ZFAT: variants seen among roughly 807,000 people sequenced by gnomAD.
ZFAT encodes zinc finger protein ZFAT.
In ZFAT, 64 loss-of-function variants were observed where a neutral mutation model predicts 117.7. That is an observed-to-expected ratio of 0.54 (90% CI 0.44 to 0.67). The LOEUF is 0.67. Among genes scored for constraint, ZFAT ranks in the 30% least tolerant of loss-of-function variants. The pLI is 0.00. For synonymous variants in ZFAT, 679 were observed against 615.0 expected, an observed-to-expected ratio of 1.10 and a Z score of -1.54; for missense variants, 1,433 against 1,584.5, an observed-to-expected ratio of 0.90 and a Z score of 1.62.
chr8:134,614,076 T>C (rs145847897), intron 3 of ZFAT, among the ~76,000 whole-genome samples: 1 of 152,192 alleles, frequency 6.6e-6, no homozygotes, highest in Non-Finnish European at 1.5e-5. Context: ...ACCTAGACCC[T>C]AGAGGAACTG....
chr8:134,568,443 AGCCTG>A (rs1232904150), intron 10 of ZFAT, among the ~76,000 whole-genome samples: 1 of 152,258 alleles, frequency 6.6e-6, no homozygotes, highest in African/African-American at 2.4e-5. Flanking sequence ...TATTCTGGGC[AGCCTG>A]GGCAAAACTG....
chr8:134,696,814 C>T (rs1000752392), intron 1 of ZFAT, among the ~76,000 whole-genome samples: 4 of 152,264 alleles, frequency 2.6e-5, no homozygotes, highest in African/African-American at 9.6e-5. Context: ...TCCCAGGAGG[C>T]TGCAGGCGAG....
chr8:134,638,560 C>CAAAAAAAAAAAAAA (rs1563711719), intron 2 of ZFAT, among the ~76,000 whole-genome samples: 6 of 63,034 alleles, frequency 9.5e-5, no homozygotes, highest in African/African-American at 3.8e-4. Flanking sequence ...AAAAAAAAAA[C>CAAAAAAAAAAAAAA]AAAACAAAAA....
chr8:134,515,391 T>C (rs1820181855), intron 13 of ZFAT, among the ~76,000 whole-genome samples: 1 of 152,208 alleles, frequency 6.6e-6, no homozygotes, highest in Non-Finnish European at 1.5e-5. Flanking sequence ...CCACACCGTC[T>C]TCCACGACGG....
the ZFAT span, among the ~76,000 whole-genome samples, chr8:134,768,416 C>T: frequency 2.6e-5 from 4 of 152,196 alleles, no homozygotes; most frequent in South Asian, 2.1e-4. Flanking sequence ...TCTCAGGCCT[C>T]TCTGTATTAG....
chr8:134,577,037 T>C (rs941786436), intron 10 of ZFAT, among the ~76,000 whole-genome samples: 2 of 152,164 alleles, frequency 1.3e-5, no homozygotes. Flanking sequence ...CCCCATCTGC[T>C]ATGGGTGGGC....
chr8:134,788,916 T>C, the ZFAT span, among the ~76,000 whole-genome samples: 4 of 152,076 alleles, frequency 2.6e-5, no homozygotes, highest in African/African-American at 4.8e-5. Context: ...TGTTTTTTTT[T>C]CCCTATGCCA....
the ZFAT span, chr8:134,796,946 C>T: frequency 6.6e-6 from 1 of 152,132 alleles, no homozygotes; most frequent in Non-Finnish European, 1.5e-5. Context: ...GTGACATAGT[C>T]TGGTCACTGC....
chr8:134,545,655 C>A (rs759920241), intron 11 of ZFAT, among the ~76,000 whole-genome samples: 50 of 152,160 alleles, frequency 3.3e-4, no homozygotes, highest in Non-Finnish European at 6.9e-4. Flanking sequence ...GGTGCTTTAG[C>A]GTGTGTTTTA....
intron 10 of ZFAT, among the ~76,000 whole-genome samples, chr8:134,568,346 G>A (rs1374364498): frequency 6.6e-6 from 1 of 152,066 alleles, no homozygotes; most frequent in African/African-American, 2.4e-5. Context: ...TTCAAACACA[G>A]GGCCACACAT....
chr8:134,781,439 C>T, the ZFAT span, among the ~76,000 whole-genome samples: 1 of 152,158 alleles, frequency 6.6e-6, no homozygotes, highest in Non-Finnish European at 1.5e-5. Flanking sequence ...TACCCATTTT[C>T]TTATTTGATG....
chr8:134,568,043 G>A (rs1824601657), intron 10 of ZFAT, among the ~76,000 whole-genome samples: 1 of 152,076 alleles, frequency 6.6e-6, no homozygotes, highest in Non-Finnish European at 1.5e-5. Context: ...ACTCATCTTG[G>A]TACCCCAGCA....
chr8:134,478,188 G>A lies in ZFAT; in HGVS notation c.*294C>T, dbSNP rs1395738404. 2.4e-6 allele frequency: 1 copy of A among 412,110 alleles called. No individual in the cohort carries two copies. The highest frequency in any genetic ancestry group is 2.0e-5 in the African/African-American group (1 of 50,866). The allele number at this position is 412,110 out of a possible 1,614,324, so 25.5% of individuals were successfully genotyped here. A position where few individuals can be genotyped will look rare whatever the true frequency, so the allele number is the denominator to read the frequency against. On this transcript the variant is annotated 3_prime_UTR_variant, in exon 16 of 16. Transcript: ENST00000377838. The surrounding 1 kb of genome is among the most constrained non-coding windows in gnomAD (Gnocchi z 5.2). ...GTCTCTGTTTGAATCTTGAAGCAAG[G>A]GGTGAAGGTGTGGGGTGTGTGTAGG... is the stretch of plus-strand genomic sequence containing the variant.
chr8:134,592,361 C>T (rs1826572610), intron 7 of ZFAT, among the ~76,000 whole-genome samples: 1 of 152,190 alleles, frequency 6.6e-6, no homozygotes. Flanking sequence ...CCAAGGTTCA[C>T]ACTACACCGA....
intron 10 of ZFAT, among the ~76,000 whole-genome samples, chr8:134,574,365 C>G (rs575042173): frequency 6.6e-6 from 1 of 152,062 alleles, no homozygotes; most frequent in Admixed American, 6.5e-5. Flanking sequence ...GGGCAGGCCA[C>G]CGTGGGATCT....
intron 1 of ZFAT, among the ~76,000 whole-genome samples, chr8:134,705,098 C>T (rs1241943644): frequency 2.6e-5 from 4 of 152,048 alleles, no homozygotes; most frequent in Middle Eastern, 3.4e-3. Context: ...TCACAACATA[C>T]ACACACACAC....
intron 2 of ZFAT, among the ~76,000 whole-genome samples, chr8:134,645,591 A>G (rs1830840571): frequency 6.6e-6 from 1 of 152,238 alleles, no homozygotes; most frequent in South Asian, 2.1e-4. Flanking sequence ...TAAGAATTTG[A>G]TTATTCCTGG....
intron 15 of ZFAT, among the ~76,000 whole-genome samples, chr8:134,502,186 A>C (rs969487768): frequency 6.6e-6 from 1 of 152,188 alleles, no homozygotes; most frequent in African/African-American, 2.4e-5. Flanking sequence ...CGATGGGAGG[A>C]GGCCAGTCTG....
intron 15 of ZFAT, among the ~76,000 whole-genome samples, chr8:134,480,263 C>T (rs1159593095): frequency 6.6e-6 from 1 of 152,216 alleles, no homozygotes; most frequent in Non-Finnish European, 1.5e-5. Context: ...CACCCGGCCT[C>T]AACCACACTT....
Sources: allele counts gnomAD v4.1 joint callset (sites outside exome capture counted in the v4.1 genomes callset), GRCh38; gene constraint gnomAD v4.1.1; non-coding constraint Gnocchi (gnomAD v3.1); transcripts MANE v1.5; gene names NCBI Gene and HGNC (gene_info 2026-07-23, HGNC 2026-07-21).